SMPX: variants seen among roughly 807,000 people sequenced by gnomAD.
The protein encoded by SMPX is small muscle protein X-linked.
In SMPX, 2 loss-of-function variants were observed where a neutral mutation model predicts 6.3. That is an observed-to-expected ratio of 0.32 (90% CI 0.13 to 0.99). SMPX has a LOEUF of 0.99. Among genes scored for constraint, SMPX ranks in the 50% least tolerant of loss-of-function variants. The pLI is 0.49. For synonymous variants in SMPX, 32 were observed against 24.7 expected (o/e 1.30, Z -0.88); for missense variants, 60 against 66.8 (o/e 0.90, Z 0.36).
chrX:21,756,600 C>T (rs1428027882), intron 1 of SMPX, among the ~76,000 whole-genome samples: 1 of 112,808 alleles, frequency 8.9e-6, no homozygotes, highest in East Asian at 2.8e-4. Flanking sequence ...CAGGGCAAAG[C>T]ATACTGATGA....
At chrX:21,752,481 G>A (rs1010398286) in intron 2 of SMPX, among the ~76,000 whole-genome samples, 7 of 111,300 alleles carry the variant, frequency 6.3e-5, no homozygotes, top group Non-Finnish European at 9.4e-5. Flanking sequence ...CACTCAATGC[G>A]TGCTTGCTAT....
intron 2 of SMPX, among the ~76,000 whole-genome samples, chrX:21,745,554 T>C (rs936707854): frequency 1.8e-5 from 2 of 111,917 alleles, no homozygotes; most frequent in African/African-American, 3.3e-5. Flanking sequence ...TGAAATATCA[T>C]AGGGGCCTGA....
chrX:21,757,701 T>C (rs987677180), intron 1 of SMPX, among the ~76,000 whole-genome samples: 4 of 111,652 alleles, frequency 3.6e-5, no homozygotes, highest in Admixed American at 1.9e-4. Context: ...GGACATTTTA[T>C]TGTTGCCACT....
In SMPX at chrX:21,706,123, C is replaced by T. The variant is rs1486261605; in HGVS notation, c.*286G>A. On this transcript the variant is annotated 3_prime_UTR_variant, in exon 5 of 5. Coordinates refer to ENST00000379494, the MANE Select transcript of SMPX (RefSeq NM_014332.3). ...AACTTTTCATCAAAATCGTTAGGCA[C>T]ATTGCCATATCATTCTCCATAAAAT... The T allele has an allele frequency of 3.9e-6, 2 of 513,040 alleles. No individual in the cohort carries two copies. The highest frequency in any genetic ancestry group is 5.3e-5 in the Admixed American group (2 of 37,929). The allele number at this position is 513,040 out of a possible 1,213,427, so 42.3% of individuals were successfully genotyped here. A position where few individuals can be genotyped will look rare whatever the true frequency, so the allele number is the denominator to read the frequency against.
At chrX:21,728,898 C>T (rs1370462327) in intron 4 of SMPX, among the ~76,000 whole-genome samples, 2 of 111,940 alleles carry the variant, frequency 1.8e-5, no homozygotes, top group Non-Finnish European at 3.8e-5. Context: ...TGGTACCAGG[C>T]ATATCACAAG....
chrX:21,709,579 A>G (rs2092776355), intron 4 of SMPX, among the ~76,000 whole-genome samples: 2 of 112,242 alleles, frequency 1.8e-5, no homozygotes, highest in African/African-American at 3.2e-5. Flanking sequence ...CTGGAGTTGC[A>G]GTTATAGCCA....
In SMPX at chrX:21,754,272, G is replaced by T. The variant is rs770287561; in HGVS notation, c.19C>A (p.Pro7Thr). The T allele has an allele frequency of 1.3e-5, 16 of 1,208,030 alleles. No individual in the cohort carries two copies. The highest frequency in any genetic ancestry group is 1.0e-5 in the Non-Finnish European group (9 of 893,265). Residue 7 changes from proline to threonine, a missense_variant, in exon 2 of 5, where the codon CCA becomes ACA. Coordinates refer to ENST00000379494, the MANE Select transcript of SMPX (RefSeq NM_014332.3). MNMSKQ[P>T]VSNVRAIQAN... ...TGGATGGCTCTAACATTGGAAACTG[G>T]CTGTTTCGACATATTCATGCAGTCT... is the stretch of plus-strand genomic sequence containing the variant.
intron 4 of SMPX, among the ~76,000 whole-genome samples, chrX:21,709,296 C>T (rs774565282): frequency 1.2e-4 from 13 of 111,542 alleles, no homozygotes; most frequent in African/African-American, 4.2e-4. Flanking sequence ...TGACAAGAGC[C>T]TTTGGGCCTC....
intron 4 of SMPX, among the ~76,000 whole-genome samples, chrX:21,732,548 C>A (rs916347638): frequency 8.9e-6 from 1 of 112,075 alleles, no homozygotes; most frequent in Admixed American, 9.4e-5. Context: ...GTCAGGGCAC[C>A]GGCAACATCC....
chrX:21,753,085 G>GT (rs1384907156), intron 2 of SMPX, among the ~76,000 whole-genome samples: 1 of 111,854 alleles, frequency 8.9e-6, no homozygotes, highest in East Asian at 2.8e-4. Flanking sequence ...ATATAATTCT[G>GT]CTAACACTGT....
chrX:21,754,283 A>G lies in SMPX; in HGVS notation c.8T>C (p.Met3Thr). The change falls in exon 2 of 5, where the codon ATG becomes ACG. Residue 3 changes from methionine (M) to threonine (T), a missense_variant. Transcript: ENST00000379494. ...AACATTGGAAACTGGCTGTTTCGAC[A>G]TATTCATGCAGTCTTATCCCTAAAA... MN[M>T]SKQPVSNVRA... is the part of the protein sequence containing the mutation. 1 of 1,207,488 alleles carries G rather than the reference A, an allele frequency of 8.3e-7. No homozygotes were observed. The highest frequency in any genetic ancestry group is 1.1e-6 in the Non-Finnish European group (1 of 891,458).
At position 21,758,008 on chromosome X, in the gene SMPX, C is replaced by A. The variant is rs1415105519; in HGVS notation, c.-79G>T. 1 of 327,469 alleles carries A rather than the reference C, an allele frequency of 3.1e-6. No individual in the cohort carries two copies. Among genetic ancestry groups the A allele is most frequent in the East Asian group, 9.8e-5 (1 of 10,237 alleles). 27.0% of individuals were successfully genotyped at this position (327,469 alleles called of 1,213,427 possible). A position where few individuals can be genotyped will look rare whatever the true frequency, so the allele number is the denominator to read the frequency against. On this transcript the variant is annotated 5_prime_UTR_variant, in exon 1 of 5. Coordinates refer to ENST00000379494, the MANE Select transcript of SMPX (RefSeq NM_014332.3). ...CAGCCAGATGCAAGAATACAAAGCT[C>A]CTTGGAAGGTGGAAGGGGCGCCCGG...
At chrX:21,729,430 C>A (rs1779798375) in intron 4 of SMPX, among the ~76,000 whole-genome samples, 1 of 111,802 alleles carries the variant, frequency 8.9e-6, no homozygotes, top group African/African-American at 3.3e-5. Flanking sequence ...CCTGGCCTCT[C>A]CTCACTAGAG....
intron 4 of SMPX, among the ~76,000 whole-genome samples, chrX:21,715,113 C>T (rs2147372818): frequency 9.0e-6 from 1 of 111,277 alleles, no homozygotes; most frequent in South Asian, 3.8e-4. Flanking sequence ...CCAAATCTTA[C>T]CTTTTGAAGC....
intron 1 of SMPX, among the ~76,000 whole-genome samples, chrX:21,755,004 C>G (rs761125520): frequency 8.9e-6 from 1 of 112,673 alleles, no homozygotes; most frequent in East Asian, 2.8e-4. Context: ...AAGATTTACA[C>G]ATGACCATAA....
chrX:21,730,771 T>C (rs12393829), intron 4 of SMPX, among the ~76,000 whole-genome samples: 10,063 of 111,463 alleles, frequency 0.09, 1,124 homozygotes, highest in African/African-American at 0.31. Flanking sequence ...TGGGCAATCA[T>C]TTTTTATTTC....
chrX:21,713,609 G>A (rs1393375888), intron 4 of SMPX, among the ~76,000 whole-genome samples: 5 of 111,405 alleles, frequency 4.5e-5, no homozygotes, highest in African/African-American at 9.8e-5. Flanking sequence ...GAGATCTCAT[G>A]AGACTTATTC....
At chrX:21,717,665 C>T (rs1306138926) in intron 4 of SMPX, among the ~76,000 whole-genome samples, 1 of 112,172 alleles carries the variant, frequency 8.9e-6, no homozygotes, top group African/African-American at 3.2e-5. Context: ...AACTTAAGAT[C>T]TAGAAGGAAA....
At chrX:21,708,834 G>C (rs2092775658) in intron 4 of SMPX, among the ~76,000 whole-genome samples, 1 of 112,165 alleles carries the variant, frequency 8.9e-6, no homozygotes, top group African/African-American at 3.2e-5. Flanking sequence ...CAGCAATGTT[G>C]TACAACTACC....
Sources: gnomAD v4.1 joint callset for allele counts (sites outside exome capture counted in the v4.1 genomes callset) on GRCh38, gnomAD v4.1.1 for gene constraint, MANE v1.5 for transcripts, NCBI Gene and HGNC (gene_info 2026-07-23, HGNC 2026-07-21) for gene names.